The following ARHGAP17 variants were observed in gnomAD, a reference collection of about 807,000 sequenced individuals.
ARHGAP17 encodes the protein rho GTPase-activating protein 17.
In ARHGAP17, 57 loss-of-function variants were observed where a neutral mutation model predicts 99.5. The observed-to-expected ratio is 0.57, with a 90% confidence interval of 0.46 to 0.71. The LOEUF (loss-of-function observed/expected upper bound fraction) is 0.71, where lower values mean the gene tolerates loss of function less well. Among genes scored for constraint, ARHGAP17 ranks in the 30% least tolerant of loss-of-function variants. The pLI, the probability that ARHGAP17 is intolerant of heterozygous loss-of-function variation, is 0.00. For missense variants in ARHGAP17, 1,000 were observed against 1,122.4 expected (o/e 0.89, Z 1.56); for synonymous variants, 417 against 429.6 (o/e 0.97, Z 0.36).
intron 1 of ARHGAP17, chr16:25,013,716 T>C (rs563679730): frequency 6.6e-6 from 1 of 152,220 alleles, no homozygotes; most frequent in East Asian, 1.9e-4. Flanking sequence ...CTCAGAACTT[T>C]GTATAAAAAG....
chr16:24,969,292 CCA>C (rs2052289342), intron 4 of ARHGAP17, among the ~76,000 whole-genome samples: 1 of 150,192 alleles, frequency 6.7e-6, no homozygotes, highest in Non-Finnish European at 1.5e-5. Flanking sequence ...TGATATAACT[CCA>C]CAGTCTCTAT....
chr16:24,975,564 T>C (rs909796023), intron 3 of ARHGAP17, among the ~76,000 whole-genome samples: 16 of 152,194 alleles, frequency 1.1e-4, no homozygotes, highest in African/African-American at 3.9e-4. Flanking sequence ...TCCATTCCTA[T>C]GACAGACATG....
rs1351955886 is a variant in ARHGAP17 at position 24,919,865 on chromosome 16, A to G, written c.*265T>C. On this transcript the variant is annotated 3_prime_UTR_variant, in exon 20 of 20. Coordinates refer to ENST00000289968, the MANE Select transcript of ARHGAP17 (RefSeq NM_001006634.3). ...TCAGCAGGAATACTCTCTCCACTCC[A>G]GGTACTTCTTTGTTTTGGATTTTTT... is the stretch of plus-strand genomic sequence containing the variant. 5 of 350,898 alleles carry G rather than the reference A, an allele frequency of 1.4e-5. No individual in the cohort carries two copies. Among genetic ancestry groups the G allele is most frequent in the Non-Finnish European group, 2.6e-5 (5 of 193,508 alleles). The allele number at this position is 350,898 out of a possible 1,614,324, so 21.7% of individuals were successfully genotyped here.
chr16:24,982,641 C>T (rs1219715040), intron 1 of ARHGAP17, among the ~76,000 whole-genome samples: 1 of 152,066 alleles, frequency 6.6e-6, no homozygotes, highest in Non-Finnish European at 1.5e-5. Flanking sequence ...ATGACCTGAT[C>T]TCCCTCATCA....
Position 25,009,037 on chromosome 16 carries a change from T to C in ARHGAP17, c.53+6172A>G, listed in dbSNP as rs117387117. Among the ~76,000 whole-genome samples the C allele has an allele frequency of 7.5e-3, 1,149 of 152,264 alleles. 38 individuals are homozygous for C. The highest frequency in any genetic ancestry group is 0.062 in the Admixed American group (944 of 15,282). ...ATTGAAGCAAAGCACACATTACCTA[T>C]CCCTTCTCAGAAATACTGTTCAGAG... On this transcript the variant is annotated intron_variant, in intron 1 of 19. Transcript: ENST00000289968.
chr16:24,999,029 C>G (rs1052016298), intron 1 of ARHGAP17, among the ~76,000 whole-genome samples: 3 of 152,180 alleles, frequency 2.0e-5, no homozygotes, highest in African/African-American at 7.2e-5. Flanking sequence ...AGTGCCAGTG[C>G]CCACCGCCAT....
chr16:24,952,104 T>G (rs1229245781), intron 12 of ARHGAP17, among the ~76,000 whole-genome samples, 185 bp downstream of exon 12: 1 of 152,060 alleles, frequency 6.6e-6, no homozygotes, highest in African/African-American at 2.4e-5. Context: ...GTGGTGACTT[T>G]CCTACACTAA....
chr16:24,945,929 C>T (rs1035437124), intron 14 of ARHGAP17, among the ~76,000 whole-genome samples: 2 of 152,156 alleles, frequency 1.3e-5, no homozygotes, highest in African/African-American at 2.4e-5. Context: ...TAAGAGTCAG[C>T]GTCCTCATCT....
chr16:24,932,759 C>G (rs138478948), intron 18 of ARHGAP17, among the ~76,000 whole-genome samples: 103 of 151,914 alleles, frequency 6.8e-4, no homozygotes, highest in African/African-American at 2.4e-3. Context: ...CTGATGAGGG[C>G]AGGAGGGAAA....
In ARHGAP17 at chr16:25,015,242, C is replaced by T. The variant is rs1385753048; in HGVS notation, c.20G>A (p.Arg7His). 2.2e-6 allele frequency: 3 copies of T among 1,361,254 alleles called. No individual in the cohort carries two copies. Among genetic ancestry groups the T allele is most frequent in the Middle Eastern group, 2.4e-4 (1 of 4,170 alleles). 84.3% of individuals were successfully genotyped at this position (1,361,254 alleles called of 1,614,324 possible). ...GGTCTGGTTAGCCAGCTGCTTCATG[C>T]GGTTGAACTGCTTCTTCATGGCGGC... MKKQFN[R>H]MKQLANQTVG... Residue 7 changes from arginine to histidine, a missense_variant, in exon 1 of 20, where the codon CGC (arginine) becomes CAC (histidine). Coordinates refer to ENST00000289968, the MANE Select transcript of ARHGAP17 (RefSeq NM_001006634.3).
chr16:24,978,900 A>G (rs2052594825), intron 2 of ARHGAP17, 66 bp downstream of exon 2: 1 of 1,256,958 alleles, frequency 8.0e-7, no homozygotes, highest in Non-Finnish European at 1.1e-6. Context: ...ACAGGCCTCA[A>G]TTCTCACATA....
Position 24,966,080 on chromosome 16 carries a change from C to T in ARHGAP17, c.462-1772G>A, listed in dbSNP as rs563818721. Among the ~76,000 whole-genome samples the T allele has an allele frequency of 3.0e-4, 46 of 152,368 alleles. No individual in the cohort carries two copies. In the South Asian group the frequency reaches 5.0e-3, roughly 16 times the overall value. ...TGTCAGATAAACATCTATAATAATG[C>T]TCAACCAACTCTAGTGAGGGAGCAT... On this transcript the variant is annotated intron_variant, in intron 6 of 19. Coordinates refer to ENST00000289968, the MANE Select transcript of ARHGAP17 (RefSeq NM_001006634.3).
At chr16:24,944,905 C>T (rs1014182071) in intron 14 of ARHGAP17, among the ~76,000 whole-genome samples, 1 of 151,968 alleles carries the variant, frequency 6.6e-6, no homozygotes, top group Non-Finnish European at 1.5e-5. Flanking sequence ...CGTGAGCCAC[C>T]GCGCCTGGCA....
intron 1 of ARHGAP17, among the ~76,000 whole-genome samples, chr16:24,993,461 C>T (rs2053107380): frequency 6.6e-6 from 1 of 152,146 alleles, no homozygotes; most frequent in Non-Finnish European, 1.5e-5. Flanking sequence ...TGGTGGTAGG[C>T]ACCTGTAATC....
At chr16:25,012,220 CA>C (rs1329894053) in intron 1 of ARHGAP17, among the ~76,000 whole-genome samples, 1 of 152,112 alleles carries the variant, frequency 6.6e-6, no homozygotes, top group Non-Finnish European at 1.5e-5. Context: ...ACCATGAGAC[CA>C]CCTCATAAGC....
chr16:25,003,258 A>AG (rs1312978113), intron 1 of ARHGAP17, among the ~76,000 whole-genome samples: 8 of 119,762 alleles, frequency 6.7e-5, no homozygotes, highest in Non-Finnish European at 1.4e-4. Context: ...TTTTTGAGAC[A>AG]GGGTCTCACT....
At chr16:25,010,983 G>A (rs1322095731) in intron 1 of ARHGAP17, among the ~76,000 whole-genome samples, 1 of 152,204 alleles carries the variant, frequency 6.6e-6, no homozygotes, top group Non-Finnish European at 1.5e-5. Context: ...CTCCCTATCA[G>A]AGCCTCAGTA....
At chr16:24,990,845 G>C (rs1404847672) in intron 1 of ARHGAP17, among the ~76,000 whole-genome samples, 1 of 151,004 alleles carries the variant, frequency 6.6e-6, no homozygotes, top group African/African-American at 2.4e-5. Context: ...CAAGGAGAAG[G>C]TTCAGGTAGC....
At chr16:24,985,375 G>C (rs1177615876) in intron 1 of ARHGAP17, among the ~76,000 whole-genome samples, 1 of 152,216 alleles carries the variant, frequency 6.6e-6, no homozygotes, top group African/African-American at 2.4e-5. Flanking sequence ...CTACGATCAA[G>C]GTGGCAGCAG....
Sources: allele counts gnomAD v4.1 joint callset (sites outside exome capture counted in the v4.1 genomes callset), GRCh38; gene constraint gnomAD v4.1.1; transcripts MANE v1.5; gene names NCBI Gene and HGNC (gene_info 2026-07-23, HGNC 2026-07-21).